OSBPL3: variants seen among roughly 807,000 people sequenced by gnomAD.
The protein encoded by OSBPL3 is oxysterol binding protein like 3.
A neutral mutation model predicts 120.1 loss-of-function variants in OSBPL3; 65 were observed. That is an observed-to-expected ratio of 0.54 (90% confidence interval 0.44 to 0.67). The LOEUF (loss-of-function observed/expected upper bound fraction) is 0.67, where lower values mean the gene tolerates loss of function less well. Ranked by LOEUF, OSBPL3 falls within the 30% of genes least tolerant of loss-of-function variation. The probability of loss-of-function intolerance (pLI) is 0.00; values close to 1 mark genes in which losing one functional copy is unlikely to be tolerated. For synonymous variants in OSBPL3, 416 were observed against 402.6 expected (o/e 1.03, Z -0.40); for missense variants, 1,004 against 1,082.1 (o/e 0.93, Z 1.01).
At position 24,955,789 on chromosome 7, in the gene OSBPL3, C is replaced by T. The variant is rs1814975512; in HGVS notation, c.-150+24097G>A. Among the ~76,000 whole-genome samples, 1 of 152,212 alleles carries T rather than the reference C, an allele frequency of 6.6e-6. No homozygotes were observed. The highest frequency in any genetic ancestry group is 1.5e-5 in the Non-Finnish European group (1 of 68,034). Reference sequence around the variant, plus strand: ...TTTGTTGTTGTATCCCCTGGACCCACAAGGGGGCTTGACGCATTAGTAGGC... The same window carrying T: ...TTTGTTGTTGTATCCCCTGGACCCATAAGGGGGCTTGACGCATTAGTAGGC... On this transcript the variant is annotated intron_variant, in intron 1 of 22. Transcript: ENST00000313367. The surrounding 1 kb of genome is among the most constrained non-coding windows in gnomAD (Gnocchi z 4.3).
intron 1 of OSBPL3, among the ~76,000 whole-genome samples, chr7:24,924,989 T>C (rs909483823): frequency 6.6e-6 from 1 of 152,222 alleles, no homozygotes; most frequent in African/African-American, 2.4e-5. Flanking sequence ...GGAGAAGGCA[T>C]AGCAATTCAT....
chr7:24,913,585 G>C lies in OSBPL3; in HGVS notation c.-149-20964C>G, dbSNP rs371147244. 3.9e-5 allele frequency among the ~76,000 whole-genome samples: 6 copies of C among 152,256 alleles called. No individual in the cohort carries two copies. The South Asian group carries it at 1.2e-3, about 32-fold the overall frequency. On this transcript the variant is annotated intron_variant, in intron 1 of 22. Transcript: ENST00000313367. This position sits in a 1 kb window ranked among gnomAD's most constrained non-coding sequence, Gnocchi z 5.3. ...CTGATAGTGACAGACACATCACAAA[G>C]TGACACTGGGAATCTAGGACTGGGC...
At position 24,805,069 on chromosome 7, in the gene OSBPL3, A is replaced by C. The variant is rs111727091; in HGVS notation, c.2445-632T>G. On this transcript the variant is annotated intron_variant, in intron 21 of 22. Coordinates refer to ENST00000313367, the MANE Select transcript of OSBPL3 (RefSeq NM_015550.4). This position sits in a 1 kb window ranked among gnomAD's most constrained non-coding sequence, Gnocchi z 4.0. Reference sequence around the variant, plus strand: ...AATGACCTTGTATATCCATCATTTTACATGAGTAAGTAGGAAAAATCTGTA... The same window carrying C: ...AATGACCTTGTATATCCATCATTTTCCATGAGTAAGTAGGAAAAATCTGTA... Among the ~76,000 whole-genome samples, 13 of 152,338 alleles carry C rather than the reference A, an allele frequency of 8.5e-5. No individual in the cohort carries two copies. Among genetic ancestry groups the C allele is most frequent in the African/African-American group, 2.9e-4 (12 of 41,594 alleles).
chr7:24,861,679 C>G lies in OSBPL3; in HGVS notation c.961G>C (p.Asp321His). 5.0e-6 allele frequency: 8 copies of G among 1,611,694 alleles called. No individual in the cohort carries two copies. Among genetic ancestry groups the G allele is most frequent in the Non-Finnish European group, 6.8e-6 (8 of 1,178,186 alleles). ...LDFGEEKNYS[D>H]GSETSSEFSK... The stretch of plus-strand genomic sequence containing the variant: ...AACTCTGATGAGGTTTCAGAGCCAT[C>G]AGAATAATTTTTCTCTTCTCCAAAA... The change falls in exon 10 of 23, where the codon GAT becomes CAT. Residue 321 changes from aspartate (D) to histidine (H), a missense_variant. Physicochemically the swap from Asp to His is moderately conservative, Grantham distance 81. Around this residue, in one of 4 missense-constraint regions of OSBPL3, gnomAD observed 272 missense variants for 248.8 expected, o/e 1.09. Transcript: ENST00000313367.
In OSBPL3 at chr7:24,912,077, T is replaced by C. The variant is rs2128420368; in HGVS notation, c.-149-19456A>G. On this transcript the variant is annotated intron_variant, in intron 1 of 22. Coordinates refer to ENST00000313367, the MANE Select transcript of OSBPL3 (RefSeq NM_015550.4). This position sits in a 1 kb window ranked among gnomAD's most constrained non-coding sequence, Gnocchi z 4.5. ...CTTAATTGACACGGTAGGTAGTAGG[T>C]TATTTGTTTATCAAATTGATAACCT... Among the ~76,000 whole-genome samples, 1 of 152,320 alleles carries C rather than the reference T, an allele frequency of 6.6e-6. No homozygotes were observed. The highest frequency in any genetic ancestry group is 2.1e-4 in the South Asian group (1 of 4,828).
chr7:24,901,126 G>A (rs564022769), intron 1 of OSBPL3, among the ~76,000 whole-genome samples: 36 of 151,762 alleles, frequency 2.4e-4, no homozygotes, highest in Non-Finnish European at 4.9e-4. Context: ...TCAAGAGTTC[G>A]AGACAGCCTG....
chr7:24,797,347 C>CA lies in OSBPL3; in HGVS notation c.*2835dup, dbSNP rs1791823547. 6.6e-6 allele frequency: 1 copy of CA among 152,200 alleles called. No individual in the cohort carries two copies. The highest frequency in any genetic ancestry group is 6.5e-5 in the Admixed American group (1 of 15,282). The allele number at this position is 152,200 out of a possible 1,614,324, so 9.4% of individuals were successfully genotyped here. A position where few individuals can be genotyped will look rare whatever the true frequency, so the allele number is the denominator to read the frequency against. On this transcript the variant is annotated 3_prime_UTR_variant, in exon 23 of 23. Coordinates refer to ENST00000313367, the MANE Select transcript of OSBPL3 (RefSeq NM_015550.4). This position sits in a 1 kb window ranked among gnomAD's most constrained non-coding sequence, Gnocchi z 4.8. ...TGTATATTTCCCCCAGGAAGTCTCA[C>CA]AGGAAGCACAGGACACCTGTGCGGC...
chr7:24,892,545 C>T lies in OSBPL3; in HGVS notation c.-73G>A. 6.4e-7 allele frequency: 1 copy of T among 1,558,020 alleles called. No individual in the cohort carries two copies. Among genetic ancestry groups the T allele is most frequent in the South Asian group, 1.2e-5 (1 of 85,182 alleles). Reference sequence around the variant, plus strand: ...ACAAGGGAGCCGAGAGTATGGAAGTCCCCAGTGGCAGGTGGTTTAGCTCTT... The same window carrying T: ...ACAAGGGAGCCGAGAGTATGGAAGTTCCCAGTGGCAGGTGGTTTAGCTCTT... On this transcript the variant is annotated 5_prime_UTR_variant, in exon 2 of 23. Transcript: ENST00000313367.
intron 14 of OSBPL3, among the ~76,000 whole-genome samples, chr7:24,836,194 T>C (rs1796977178): frequency 6.6e-6 from 1 of 152,220 alleles, no homozygotes; most frequent in Admixed American, 6.5e-5. Context: ...CTGATTCACA[T>C]GATCAGACTG....
chr7:24,930,211 G>C lies in OSBPL3; in HGVS notation c.-149-37590C>G, dbSNP rs1335863342. ...TAATGATCAAAGGTGAGGCAGAAATGCATGGCAAAACTGAAGGAAACTAGT... is the reference window on the plus strand; with the variant it reads ...TAATGATCAAAGGTGAGGCAGAAATCCATGGCAAAACTGAAGGAAACTAGT... On this transcript the variant is annotated intron_variant, in intron 1 of 22. Transcript: ENST00000313367. This position sits in a 1 kb window ranked among gnomAD's most constrained non-coding sequence, Gnocchi z 4.4. Among the ~76,000 whole-genome samples the C allele has an allele frequency of 6.6e-6, 1 of 152,138 alleles. No individual in the cohort carries two copies. Among genetic ancestry groups the C allele is most frequent in the African/African-American group, 2.4e-5 (1 of 41,452 alleles).
rs935782914 is a variant in OSBPL3, at chr7:24,898,253, C to A, written c.-149-5632G>T. On this transcript the variant is annotated intron_variant, in intron 1 of 22. Transcript: ENST00000313367. The surrounding 1 kb of genome is among the most constrained non-coding windows in gnomAD (Gnocchi z 4.3). The stretch of plus-strand genomic sequence containing the variant: ...AGGTTCTAATCACAACTTCAGATAC[C>A]GATCGGTGATCCCGGACCTCTGAAG... Among the ~76,000 whole-genome samples the A allele has an allele frequency of 6.6e-6, 1 of 152,138 alleles. No homozygotes were observed. Among genetic ancestry groups the A allele is most frequent in the African/African-American group, 2.4e-5 (1 of 41,432 alleles).
chr7:24,880,982 C>T (rs980621534), intron 2 of OSBPL3, among the ~76,000 whole-genome samples: 2 of 152,212 alleles, frequency 1.3e-5, no homozygotes, highest in South Asian at 4.1e-4. Flanking sequence ...GAATCACAGA[C>T]TCTGCACTCA....
At position 24,819,733 on chromosome 7, in the gene OSBPL3, T is replaced by C. The variant is rs550698194; in HGVS notation, c.1948+442A>G. 1.3e-5 allele frequency among the ~76,000 whole-genome samples: 2 copies of C among 152,300 alleles called. No individual in the cohort carries two copies. The highest frequency in any genetic ancestry group is 4.8e-5 in the African/African-American group (2 of 41,552). ...CATCTAGGAAATATCTATAGCCTTA[T>C]TTATTCTTTAGAAGATTTACCCACC... On this transcript the variant is annotated intron_variant, in intron 17 of 22. Transcript: ENST00000313367. The surrounding 1 kb of genome is among the most constrained non-coding windows in gnomAD (Gnocchi z 4.1).
chr7:24,840,929 A>T, intron 13 of OSBPL3, 146 bp from the exon 14 acceptor site: 1 of 517,752 alleles, frequency 1.9e-6, no homozygotes, highest in Non-Finnish European at 3.3e-6. Context: ...TCCATATACC[A>T]ATCTGCCAAG....
At chr7:24,917,487 A>T (rs1379163225) in intron 1 of OSBPL3, among the ~76,000 whole-genome samples, 2 of 140,680 alleles carry the variant, frequency 1.4e-5, no homozygotes, top group African/African-American at 2.6e-5. Context: ...ACACACACAC[A>T]CTTAAACAGG....
In OSBPL3 at chr7:24,854,605, C is replaced by T. The variant is rs923218006; in HGVS notation, c.1028-1971G>A. Among the ~76,000 whole-genome samples, 4 of 151,796 alleles carry T rather than the reference C, an allele frequency of 2.6e-5. No homozygotes were observed. The highest frequency in any genetic ancestry group is 6.6e-5 in the Admixed American group (1 of 15,234). ...GTCAAATGGAACTAAAATTTTCTAA[C>T]GACGCCTATGAAACACACTTAGCTC... is the stretch of plus-strand genomic sequence containing the variant. On this transcript the variant is annotated intron_variant, in intron 10 of 22. Transcript: ENST00000313367. The surrounding 1 kb of genome is among the most constrained non-coding windows in gnomAD (Gnocchi z 4.1).
intron 1 of OSBPL3, among the ~76,000 whole-genome samples, chr7:24,924,931 T>C (rs1041428282): frequency 6.6e-6 from 1 of 152,212 alleles, no homozygotes; most frequent in Non-Finnish European, 1.5e-5. Context: ...ATATAGCTGT[T>C]ACCCTTTTTC....
chr7:24,973,077 T>C (rs548860726), intron 1 of OSBPL3, among the ~76,000 whole-genome samples: 1 of 152,324 alleles, frequency 6.6e-6, no homozygotes, highest in South Asian at 2.1e-4. Context: ...TCAGAGATCC[T>C]CTGCCAATCC....
intron 1 of OSBPL3, among the ~76,000 whole-genome samples, chr7:24,969,470 T>C (rs867231549): frequency 2.6e-5 from 4 of 152,354 alleles, no homozygotes; most frequent in Middle Eastern, 3.4e-3. Flanking sequence ...AAAAATGATA[T>C]GTAATCAATA....
Sources: allele counts gnomAD v4.1 joint callset (sites outside exome capture counted in the v4.1 genomes callset), GRCh38; gene constraint gnomAD v4.1.1; regional missense constraint gnomAD v4.1.1; non-coding constraint Gnocchi (gnomAD v3.1); transcripts MANE v1.5; gene names NCBI Gene and HGNC (gene_info 2026-07-23, HGNC 2026-07-21).